Variants in PCLO observed in about 807,000 individuals in gnomAD.
PCLO encodes protein piccolo.
A neutral mutation model predicts 427.5 loss-of-function variants in PCLO; 82 were observed. The ratio of observed to expected loss-of-function variants is 0.19; its 90% CI spans 0.16 to 0.23. The LOEUF (loss-of-function observed/expected upper bound fraction) is 0.23. Ranked by LOEUF, PCLO falls within the 10% of genes least tolerant of loss-of-function variation. PCLO has a pLI of 1.00. For missense variants in PCLO, 6,239 were observed against 6,115.9 expected (o/e 1.02, Z -0.67); for synonymous variants, 2,357 against 2,155.4 (o/e 1.09, Z -2.59).
chr7:82,911,359 G>A (rs556195366), intron 7 of PCLO, among the ~76,000 whole-genome samples: 209 of 151,558 alleles, frequency 1.4e-3, no homozygotes, highest in African/African-American at 4.9e-3. Flanking sequence ...CATCTTTCAT[G>A]GTAAAATCTC....
chr7:83,058,961 C>A (rs1022309695), intron 3 of PCLO, among the ~76,000 whole-genome samples: 1 of 151,948 alleles, frequency 6.6e-6, no homozygotes, highest in Non-Finnish European at 1.5e-5. Flanking sequence ...TCCTCTCCCC[C>A]CTCCTTAAAA....
intron 3 of PCLO, among the ~76,000 whole-genome samples, chr7:83,034,810 T>C (rs1024428287): frequency 1.3e-5 from 2 of 152,186 alleles, no homozygotes; most frequent in Non-Finnish European, 2.9e-5. Flanking sequence ...ACCAAACTTG[T>C]TCATTGATTC....
intron 3 of PCLO, among the ~76,000 whole-genome samples, chr7:83,095,712 T>C (rs1584016795): frequency 1.3e-5 from 2 of 152,084 alleles, no homozygotes; most frequent in African/African-American, 4.8e-5. Flanking sequence ...TGCAGTTTAA[T>C]CTCCAAGTGT....
intron 3 of PCLO, among the ~76,000 whole-genome samples, chr7:83,064,740 A>T (rs1296609663): frequency 1.3e-5 from 2 of 152,024 alleles, no homozygotes; most frequent in Admixed American, 6.6e-5. Context: ...AAACTCAATA[A>T]ATATTGGCGG....
intron 3 of PCLO, among the ~76,000 whole-genome samples, chr7:83,079,280 A>AACT (rs1790035178): frequency 6.6e-6 from 1 of 152,102 alleles, no homozygotes; most frequent in Non-Finnish European, 1.5e-5. Context: ...CCAACATAAA[A>AACT]ACTACAGTAT....
chr7:82,914,363 T>G, intron 7 of PCLO: 1 of 469,054 alleles, frequency 2.1e-6, no homozygotes, highest in Non-Finnish European at 3.7e-6. Context: ...TGAAAAACTT[T>G]TCAACTATGG....
In PCLO at chr7:83,154,732, G is replaced by A. The variant is rs764851216; in HGVS notation, c.1893+16C>T. On this transcript the variant is annotated intron_variant, in intron 2 of 24. Coordinates refer to ENST00000333891, the MANE Select transcript of PCLO (RefSeq NM_033026.6). ...TATGGCTGAAGAGTATGGACTCAGT[G>A]AATAAATGCACTTACCTCCGTTAAA... 5.0e-6 allele frequency: 8 copies of A among 1,589,750 alleles called. No homozygotes were observed. In the South Asian group the frequency reaches 6.6e-5, roughly 13 times the overall value.
chr7:82,936,997 G>C (rs1015473453), intron 6 of PCLO, among the ~76,000 whole-genome samples: 4 of 151,606 alleles, frequency 2.6e-5, no homozygotes, highest in Non-Finnish European at 3.0e-5. Context: ...AAGCGGGGAA[G>C]GGAATGGAAA....
intron 3 of PCLO, among the ~76,000 whole-genome samples, chr7:83,065,231 T>A (rs555924218): frequency 3.9e-5 from 6 of 151,990 alleles, no homozygotes; most frequent in Non-Finnish European, 8.8e-5. Context: ...CTTCCATATT[T>A]GCTCTTTTAA....
chr7:82,892,435 AT>A (rs1163973971), intron 9 of PCLO, among the ~76,000 whole-genome samples: 1 of 152,206 alleles, frequency 6.6e-6, no homozygotes, highest in Non-Finnish European at 1.5e-5. Context: ...TTCAAGATGG[AT>A]TAAAGACGTG....
intron 9 of PCLO, among the ~76,000 whole-genome samples, chr7:82,889,127 C>T (rs888520665): frequency 6.6e-6 from 1 of 152,042 alleles, no homozygotes; most frequent in Non-Finnish European, 1.5e-5. Flanking sequence ...TACTAAAAAC[C>T]CAGCCTTGCA....
At chr7:83,118,328 A>G (rs927275539) in intron 3 of PCLO, among the ~76,000 whole-genome samples, 1 of 152,184 alleles carries the variant, frequency 6.6e-6, no homozygotes, top group Non-Finnish European at 1.5e-5. Flanking sequence ...ATCTCCATGC[A>G]GGAACACCAA....
At chr7:82,945,381 G>T (rs1331286215) in intron 6 of PCLO, among the ~76,000 whole-genome samples, 1 of 150,744 alleles carries the variant, frequency 6.6e-6, no homozygotes, top group Non-Finnish European at 1.5e-5. Context: ...TATATTTTAT[G>T]GGTCGAATTT....
chr7:83,007,147 A>T (rs951313790), intron 3 of PCLO, among the ~76,000 whole-genome samples: 3 of 151,532 alleles, frequency 2.0e-5, no homozygotes, highest in Non-Finnish European at 4.4e-5. Context: ...TATGGACTTA[A>T]ATTAGTAATT....
chr7:83,134,006 G>A (rs1791641266), intron 3 of PCLO, among the ~76,000 whole-genome samples: 1 of 151,354 alleles, frequency 6.6e-6, no homozygotes, highest in South Asian at 2.1e-4. Flanking sequence ...TAATTAAGAT[G>A]TTCATTTAAC....
At chr7:82,856,097 G>T (rs1792798586) in intron 10 of PCLO, among the ~76,000 whole-genome samples, 1 of 152,060 alleles carries the variant, frequency 6.6e-6, no homozygotes, top group Non-Finnish European at 1.5e-5. Flanking sequence ...GTGGACTGAT[G>T]TACAGAGGCC....
chr7:82,783,350 T>C (rs188195527), intron 22 of PCLO, among the ~76,000 whole-genome samples: 2,584 of 152,174 alleles, frequency 0.017, 35 homozygotes, highest in Non-Finnish European at 0.029. Flanking sequence ...TGTGGTGGCT[T>C]ACGCCTGTAA....
chr7:83,138,231 T>C (rs766244874), intron 2 of PCLO, among the ~76,000 whole-genome samples: 6 of 152,250 alleles, frequency 3.9e-5, no homozygotes, highest in Non-Finnish European at 8.8e-5. Flanking sequence ...TTTCCAGGAT[T>C]AGTAATTTTC....
At position 82,952,147 on chromosome 7, in the gene PCLO, TCCCTGCGGTTAA is replaced by T; in HGVS notation, c.8794_8805del (p.Leu2932_Gly2935del). 6.2e-7 allele frequency: 1 copy of T among 1,606,446 alleles called. No homozygotes were observed. The highest frequency in any genetic ancestry group is 8.5e-7 in the Non-Finnish European group (1 of 1,178,300). ...ACCACATCACAGCACACAGCTCTTC[TCCCTGCGGTTAA>T]ATCAACGGGTTTTTCATCTTCTATT... On this transcript the variant is annotated inframe_deletion, in exon 5 of 25. Transcript: ENST00000333891.
Sources: allele counts gnomAD v4.1 joint callset (sites outside exome capture counted in the v4.1 genomes callset), GRCh38; gene constraint gnomAD v4.1.1; transcripts MANE v1.5; gene names NCBI Gene and HGNC (gene_info 2026-07-23, HGNC 2026-07-21).